Variants in NTAQ1 observed in about 807,000 individuals in gnomAD.
The protein encoded by NTAQ1 is N-terminal glutamine amidase 1, also known as protein N-terminal glutamine amidohydrolase.
A neutral mutation model predicts 28.2 loss-of-function variants in NTAQ1; 21 were observed. The ratio of observed to expected loss-of-function variants is 0.74; its 90% confidence interval spans 0.53 to 1.07. The LOEUF (loss-of-function observed/expected upper bound fraction) is 1.07. NTAQ1 is among the 50% of genes least tolerant of loss of function. NTAQ1 has a pLI of 0.00. For missense variants in NTAQ1, 264 were observed against 256.6 expected (o/e 1.03, Z -0.20); for synonymous variants, 105 against 90.0 (o/e 1.17, Z -0.94).
At chr8:123,442,252 C>A (rs1390270611), downstream of NTAQ1, 1 of 152,064 alleles carries the variant, frequency 6.6e-6, no homozygotes, top group East Asian at 1.9e-4. Context: ...AAATGAACAA[C>A]TTCTTATAGC....
intron 5 of NTAQ1, among the ~76,000 whole-genome samples, chr8:123,440,449 C>T (rs1240703001): frequency 6.6e-6 from 1 of 151,182 alleles, no homozygotes; most frequent in Non-Finnish European, 1.5e-5. Context: ...AGCCACCACG[C>T]CTGGCTGCTT....
At chr8:123,433,096 C>T (rs1022601473) in intron 3 of NTAQ1, among the ~76,000 whole-genome samples, 2 of 152,336 alleles carry the variant, frequency 1.3e-5, no homozygotes, top group East Asian at 1.9e-4. Flanking sequence ...CCACTCCTAG[C>T]ACAATCAGTC....
chr8:123,468,312 C>G (rs1376439454), exon 7 of NTAQ1, among the ~76,000 whole-genome samples: 1 of 152,226 alleles, frequency 6.6e-6, no homozygotes, highest in Non-Finnish European at 1.5e-5. Context: ...TGCCACAGAT[C>G]TCCAGAAGTT....
At chr8:123,427,809 G>A in intron 1 of NTAQ1, 115 bp from the exon 2 acceptor site, 1 of 776,796 alleles carries the variant, frequency 1.3e-6, no homozygotes, top group Non-Finnish European at 2.1e-6. Context: ...GTTGTTGGAT[G>A]ACATGGGGTT....
exon 7 of NTAQ1, among the ~76,000 whole-genome samples, chr8:123,467,799 A>G (rs113889386): frequency 0.25 from 37,543 of 152,118 alleles, 5,016 homozygotes; most frequent in African/African-American, 0.33. Context: ...GCCCAGGCTG[A>G]AGTGCAATGG....
chr8:123,460,794 C>G (rs76655177), intron 6 of NTAQ1, among the ~76,000 whole-genome samples: 3,440 of 152,126 alleles, frequency 0.023, 120 homozygotes, highest in African/African-American at 0.076. Context: ...GAAGAATGGA[C>G]TTGGTAGGTT....
At position 123,428,026 on chromosome 8, in the gene NTAQ1, A is replaced by G. The variant is rs767170695; in HGVS notation, c.183+3A>G. The G allele has an allele frequency of 6.3e-7, 1 of 1,591,148 alleles. No homozygotes were observed. Among genetic ancestry groups the G allele is most frequent in the Non-Finnish European group, 8.6e-7 (1 of 1,168,814 alleles). The stretch of plus-strand genomic sequence containing the variant: ...TCATATCTAATGAGAGGAAGATGGT[A>G]AGTTGGTGAGTGATTGCAGAAAGAA... On this transcript the variant is annotated splice_donor_region_variant and intron_variant, in intron 2 of 5. Coordinates refer to ENST00000287387, the MANE Select transcript of NTAQ1 (RefSeq NM_018024.3).
chr8:123,425,591 T>C (rs1814004872), intron 1 of NTAQ1, among the ~76,000 whole-genome samples: 1 of 152,112 alleles, frequency 6.6e-6, no homozygotes, highest in South Asian at 2.1e-4. Flanking sequence ...CCTAGTTTTA[T>C]AGAGCATTTG....
chr8:123,435,585 G>T, intron 3 of NTAQ1: 1 of 954,152 alleles, frequency 1.0e-6, no homozygotes, highest in Non-Finnish European at 1.2e-6. Context: ...ATAGCAGGTG[G>T]GGCCGGCACT....
downstream of NTAQ1, among the ~76,000 whole-genome samples, chr8:123,472,960 G>T (rs1435177691): frequency 1.3e-5 from 2 of 152,090 alleles, no homozygotes; most frequent in Non-Finnish European, 2.9e-5. Flanking sequence ...GGATGCCCTG[G>T]ATATTAGTTT....
intron 1 of NTAQ1, among the ~76,000 whole-genome samples, chr8:123,423,736 T>C (rs1187061671): frequency 6.6e-6 from 1 of 152,186 alleles, no homozygotes; most frequent in East Asian, 1.9e-4. Flanking sequence ...CAGTGACTTT[T>C]ACGAAGTTTA....
intron 3 of NTAQ1, among the ~76,000 whole-genome samples, chr8:123,434,012 A>G (rs1814550339): frequency 6.6e-6 from 1 of 151,636 alleles, no homozygotes; most frequent in Non-Finnish European, 1.5e-5. Context: ...AGTGTGGCCC[A>G]GGGAAGCCAA....
intron 3 of NTAQ1, among the ~76,000 whole-genome samples, chr8:123,433,026 A>G (rs1814492851): frequency 6.6e-6 from 1 of 152,174 alleles, no homozygotes; most frequent in South Asian, 2.1e-4. Flanking sequence ...ACATGCCTAT[A>G]GTCCTTCTAT....
At chr8:123,433,493 G>T (rs531204486) in intron 3 of NTAQ1, among the ~76,000 whole-genome samples, 2 of 152,020 alleles carry the variant, frequency 1.3e-5, no homozygotes, top group African/African-American at 4.8e-5. Context: ...TGTTGCCCAG[G>T]CTGGAGTGCA....
At chr8:123,440,231 C>G (rs1015518569) in intron 5 of NTAQ1, among the ~76,000 whole-genome samples, 20 of 123,818 alleles carry the variant, frequency 1.6e-4, no homozygotes, top group Admixed American at 8.1e-4. Flanking sequence ...TCTTGGCTTG[C>G]TACAACCTCT....
chr8:123,458,206 G>T (rs1815711508), intron 6 of NTAQ1, among the ~76,000 whole-genome samples: 1 of 147,360 alleles, frequency 6.8e-6, no homozygotes. Context: ...AAAGTGCTGG[G>T]ACTACAGGCA....
At chr8:123,457,414 G>T (rs1815680980) in intron 6 of NTAQ1, among the ~76,000 whole-genome samples, 1 of 152,086 alleles carries the variant, frequency 6.6e-6, no homozygotes, top group African/African-American at 2.4e-5. Context: ...TCTTTTGTAT[G>T]TATTAGTTGG....
chr8:123,474,513 A>G (rs56083998), downstream of NTAQ1, among the ~76,000 whole-genome samples: 35,535 of 152,150 alleles, frequency 0.23, 4,406 homozygotes, highest in African/African-American at 0.28. Context: ...TGAAATTAAC[A>G]TTGATCTCTG....
chr8:123,469,423 C>T (rs980865811), exon 7 of NTAQ1, among the ~76,000 whole-genome samples: 3 of 152,194 alleles, frequency 2.0e-5, no homozygotes, highest in African/African-American at 7.2e-5. Flanking sequence ...TCCTGTGAAA[C>T]AGCCCTACAA....
Sources: allele counts gnomAD v4.1 joint callset (sites outside exome capture counted in the v4.1 genomes callset), GRCh38; gene constraint gnomAD v4.1.1; transcripts MANE v1.5; gene names NCBI Gene and HGNC (gene_info 2026-07-23, HGNC 2026-07-21).